The following PDE4B variants were observed in gnomAD, a reference collection of about 807,000 sequenced individuals.
PDE4B encodes phosphodiesterase 4B.
A neutral mutation model predicts 82.2 loss-of-function variants in PDE4B; 20 were observed. The ratio of observed to expected loss-of-function variants is 0.24; its 90% CI spans 0.17 to 0.35. The LOEUF is 0.35. Among genes scored for constraint, PDE4B ranks in the 10% least tolerant of loss-of-function variants. The pLI, the probability that PDE4B is intolerant of heterozygous loss-of-function variation, is 1.00. For missense variants in PDE4B, 655 were observed against 907.2 expected, an observed-to-expected ratio of 0.72 and a Z score of 3.57; for synonymous variants, 320 against 318.9, an observed-to-expected ratio of 1.00 and a Z score of -0.04.
chr1:66,291,928 C>T (rs1657110807), intron 7 of PDE4B, among the ~76,000 whole-genome samples: 1 of 152,044 alleles, frequency 6.6e-6, no homozygotes, highest in African/African-American at 2.4e-5. Flanking sequence ...TGGTTGTAGC[C>T]TGTGAATTGT....
intron 1 of PDE4B, among the ~76,000 whole-genome samples, chr1:65,798,061 C>T (rs545710943): frequency 6.6e-6 from 1 of 152,096 alleles, no homozygotes; most frequent in East Asian, 1.9e-4. Flanking sequence ...CTCTGTCACC[C>T]AGGCTGGAGT....
chr1:66,117,195 C>A (rs1475109678), intron 3 of PDE4B, among the ~76,000 whole-genome samples: 1 of 152,042 alleles, frequency 6.6e-6, no homozygotes, highest in African/African-American at 2.4e-5. Context: ...ATTCACAATT[C>A]CATTGGCTCA....
At chr1:65,924,299 C>T (rs1029425122) in intron 3 of PDE4B, among the ~76,000 whole-genome samples, 6 of 150,336 alleles carry the variant, frequency 4.0e-5, no homozygotes, top group African/African-American at 9.8e-5. Context: ...TGGTCTCGAT[C>T]TCCTGACCTC....
intron 3 of PDE4B, among the ~76,000 whole-genome samples, chr1:66,183,509 T>C (rs968647247): frequency 6.6e-6 from 1 of 152,180 alleles, no homozygotes; most frequent in African/African-American, 2.4e-5. Flanking sequence ...GGACTCATAA[T>C]AACTGAGTAG....
At chr1:66,254,788 C>T (rs1402561651) in intron 4 of PDE4B, among the ~76,000 whole-genome samples, 1 of 152,190 alleles carries the variant, frequency 6.6e-6, no homozygotes, top group Non-Finnish European at 1.5e-5. Context: ...TGCAAAACCT[C>T]TGGGCTCTCT....
intron 1 of PDE4B, among the ~76,000 whole-genome samples, chr1:65,855,709 C>T (rs951639097): frequency 2.0e-5 from 3 of 152,132 alleles, no homozygotes; most frequent in Non-Finnish European, 2.9e-5. Context: ...CCTATAACTA[C>T]CTCTTCTCTA....
chr1:66,253,281 A>G (rs1653932638), intron 4 of PDE4B, among the ~76,000 whole-genome samples: 1 of 152,244 alleles, frequency 6.6e-6, no homozygotes, highest in Non-Finnish European at 1.5e-5. Flanking sequence ...ACAAAAATTA[A>G]GGAAATTACA....
intron 1 of PDE4B, among the ~76,000 whole-genome samples, chr1:65,853,496 G>T (rs1646354767): frequency 2.0e-5 from 3 of 148,278 alleles, no homozygotes; most frequent in African/African-American, 7.4e-5. Flanking sequence ...AATATTTTGT[G>T]TTATTCTTCA....
chr1:66,334,273 G>A (rs964232814), intron 8 of PDE4B, among the ~76,000 whole-genome samples: 1 of 152,158 alleles, frequency 6.6e-6, no homozygotes, highest in Non-Finnish European at 1.5e-5. Flanking sequence ...ACTCCAAGAA[G>A]AGAAAAAGAG....
chr1:65,874,335 T>G (rs1251384752), intron 1 of PDE4B, among the ~76,000 whole-genome samples: 2 of 152,154 alleles, frequency 1.3e-5, no homozygotes, highest in East Asian at 3.9e-4. Context: ...AATGGGGTTT[T>G]CTAGATATAC....
intron 3 of PDE4B, among the ~76,000 whole-genome samples, chr1:66,213,940 A>G (rs1312951397): frequency 6.6e-6 from 1 of 152,220 alleles, no homozygotes. Context: ...TGAATTAATT[A>G]GCATGACCAA....
intron 3 of PDE4B, among the ~76,000 whole-genome samples, chr1:66,175,031 C>A (rs973471749): frequency 6.6e-6 from 1 of 152,096 alleles, no homozygotes; most frequent in African/African-American, 2.4e-5. Context: ...CATGGAGGAA[C>A]CTGCCCCTAT....
chr1:65,952,514 C>G (rs938865167), intron 3 of PDE4B, among the ~76,000 whole-genome samples: 4 of 151,922 alleles, frequency 2.6e-5, no homozygotes, highest in African/African-American at 9.7e-5. Flanking sequence ...ATCCCCATCT[C>G]TACTGAAAAA....
At chr1:65,993,460 C>A (rs1651360379) in intron 3 of PDE4B, among the ~76,000 whole-genome samples, 1 of 151,956 alleles carries the variant, frequency 6.6e-6, no homozygotes, top group African/African-American at 2.4e-5. Context: ...TGTTTCATAT[C>A]TGTTGAGGTG....
At chr1:66,088,293 TAGTA>T (rs1224565722) in intron 3 of PDE4B, among the ~76,000 whole-genome samples, 2 of 151,962 alleles carry the variant, frequency 1.3e-5, no homozygotes, top group African/African-American at 4.8e-5. Context: ...GACAGGAAGT[TAGTA>T]AGTCAGTTTT....
At chr1:66,206,171 G>A (rs528967542) in intron 3 of PDE4B, among the ~76,000 whole-genome samples, 97 of 152,228 alleles carry the variant, frequency 6.4e-4, no homozygotes, top group African/African-American at 2.2e-3. Context: ...TCTCGGACCT[G>A]GATATTTTCT....
intron 3 of PDE4B, among the ~76,000 whole-genome samples, chr1:66,123,227 G>A (rs1432488185): frequency 6.6e-6 from 1 of 152,058 alleles, no homozygotes; most frequent in Non-Finnish European, 1.5e-5. Context: ...CTTGCTTTAT[G>A]TCTTTTCTAA....
chr1:66,186,403 C>T (rs945188531), intron 3 of PDE4B, among the ~76,000 whole-genome samples: 6 of 152,010 alleles, frequency 3.9e-5, no homozygotes, highest in Non-Finnish European at 7.4e-5. Flanking sequence ...GAGATAGCAT[C>T]GAATCTATAA....
intron 3 of PDE4B, among the ~76,000 whole-genome samples, chr1:66,083,855 C>A (rs1656866832): frequency 6.6e-6 from 1 of 152,166 alleles, no homozygotes; most frequent in African/African-American, 2.4e-5. Flanking sequence ...CTAACCTTTA[C>A]ACTTGTATCA....
Sources: allele counts gnomAD v4.1 joint callset (sites outside exome capture counted in the v4.1 genomes callset), GRCh38; gene constraint gnomAD v4.1.1; transcripts MANE v1.5; gene names NCBI Gene and HGNC (gene_info 2026-07-23, HGNC 2026-07-21).